CACNG5: variants seen among roughly 807,000 people sequenced by gnomAD.
CACNG5 encodes the protein voltage-dependent calcium channel gamma-5 subunit.
In CACNG5, 18 loss-of-function variants were observed where a neutral mutation model predicts 24.8. The ratio of observed to expected loss-of-function variants is 0.73; its 90% CI spans 0.50 to 1.08. CACNG5 has a LOEUF of 1.08. CACNG5 is among the 50% of genes least tolerant of loss of function. The pLI, the probability that CACNG5 is intolerant of heterozygous loss-of-function variation, is 0.00. For missense variants in CACNG5, 349 were observed against 367.9 expected (o/e 0.95, Z 0.42); for synonymous variants, 157 against 149.1 (o/e 1.05, Z -0.39).
intron 1 of CACNG5, among the ~76,000 whole-genome samples, chr17:66,843,617 C>T (rs1376753370): frequency 6.6e-6 from 1 of 152,134 alleles, no homozygotes; most frequent in African/African-American, 2.4e-5. Flanking sequence ...TAAACCCAGG[C>T]TACCTGAATC....
At chr17:66,853,382 T>C (rs1254822916) in intron 1 of CACNG5, among the ~76,000 whole-genome samples, 1 of 152,198 alleles carries the variant, frequency 6.6e-6, no homozygotes, top group Non-Finnish European at 1.5e-5. Flanking sequence ...TTTCTGGTTG[T>C]GTGGCAAGAG....
At chr17:66,860,978 G>T (rs1022289165) in intron 1 of CACNG5, among the ~76,000 whole-genome samples, 1 of 151,854 alleles carries the variant, frequency 6.6e-6, no homozygotes, top group Non-Finnish European at 1.5e-5. Flanking sequence ...GGGTAAAAAA[G>T]TAATCATATA....
At chr17:66,879,863 C>T (rs1446483911) in intron 3 of CACNG5, among the ~76,000 whole-genome samples, 1 of 152,148 alleles carries the variant, frequency 6.6e-6, no homozygotes, top group African/African-American at 2.4e-5. Context: ...CCTCTAGCCC[C>T]TTACCTTGCC....
At chr17:66,852,597 A>G (rs1173445829) in intron 1 of CACNG5, among the ~76,000 whole-genome samples, 1 of 152,224 alleles carries the variant, frequency 6.6e-6, no homozygotes. Context: ...TAATTAGTAT[A>G]TAATGAAATG....
chr17:66,870,253 C>T (rs546523309), intron 1 of CACNG5, among the ~76,000 whole-genome samples: 23 of 152,220 alleles, frequency 1.5e-4, no homozygotes, highest in Admixed American at 9.8e-4. Flanking sequence ...TGCTGTTATC[C>T]GAAGGCTCGA....
chr17:66,866,463 T>C (rs1976932092), intron 1 of CACNG5, among the ~76,000 whole-genome samples: 1 of 152,214 alleles, frequency 6.6e-6, no homozygotes, highest in Admixed American at 6.5e-5. Context: ...AATTTTATTT[T>C]ATTTTAAGTT....
At chr17:66,866,663 C>T (rs532381363) in intron 1 of CACNG5, among the ~76,000 whole-genome samples, 65 of 152,210 alleles carry the variant, frequency 4.3e-4, no homozygotes, top group Non-Finnish European at 8.1e-4. Flanking sequence ...TTTTCCCCTC[C>T]CTGTGTCCAT....
At chr17:66,859,647 C>T (rs1976828884) in intron 1 of CACNG5, among the ~76,000 whole-genome samples, 1 of 152,132 alleles carries the variant, frequency 6.6e-6, no homozygotes, top group Non-Finnish European at 1.5e-5. Flanking sequence ...AGATTGGTTT[C>T]CCTCCCCAGG....
chr17:66,852,612 A>G (rs1447521712), intron 1 of CACNG5, among the ~76,000 whole-genome samples: 1 of 152,192 alleles, frequency 6.6e-6, no homozygotes, highest in African/African-American at 2.4e-5. Context: ...GAAATGTATC[A>G]CTTCTAGGTA....
At chr17:66,845,713 G>A (rs898074305) in intron 1 of CACNG5, among the ~76,000 whole-genome samples, 10 of 152,146 alleles carry the variant, frequency 6.6e-5, no homozygotes, top group African/African-American at 1.9e-4. Flanking sequence ...TTGTTGAATA[G>A]CATTCATGCC....
chr17:66,865,426 A>AC (rs1976915679), intron 1 of CACNG5, among the ~76,000 whole-genome samples: 1 of 152,146 alleles, frequency 6.6e-6, no homozygotes, highest in Non-Finnish European at 1.5e-5. Flanking sequence ...TCAATAGTAT[A>AC]GAGCTCTCAG....
chr17:66,861,411 T>A (rs1976856772), intron 1 of CACNG5, among the ~76,000 whole-genome samples: 1 of 152,262 alleles, frequency 6.6e-6, no homozygotes, highest in Admixed American at 6.5e-5. Context: ...TTGTTATCCC[T>A]GTTTTAATCA....
rs1486506868 is a variant in CACNG5, at chr17:66,880,561, G to T, written c.288G>T (p.Met96Ile). The T allele has an allele frequency of 8.7e-6, 14 of 1,614,190 alleles. No individual in the cohort carries two copies. Among genetic ancestry groups the T allele is most frequent in the Non-Finnish European group, 1.1e-5 (13 of 1,180,016 alleles). Residue 96 changes from methionine (M) to isoleucine (I), a missense_variant, in exon 4 of 6, where the codon ATG becomes ATT. By Grantham distance (10) the Met-to-Ile change is conservative (BLOSUM62 1). Coordinates refer to ENST00000533854, the MANE Select transcript of CACNG5 (RefSeq NM_145811.3). ...CCCTTTTGTCCCGTTAATTAGAGAT[G>T]ATCCGCTCAGCCACACCATTCCCTC... ...TSESTVNVLKMIRSATPFPLV... is the reference protein window; with the variant it reads ...TSESTVNVLKIIRSATPFPLV...
chr17:66,842,914 GGGC>G (rs1976587317), intron 1 of CACNG5, among the ~76,000 whole-genome samples: 1 of 152,208 alleles, frequency 6.6e-6, no homozygotes, highest in African/African-American at 2.4e-5. Context: ...ACAGGCCAGT[GGGC>G]AAGTGGGACA....
chr17:66,879,258 A>G (rs1395477193), intron 3 of CACNG5, among the ~76,000 whole-genome samples, 200 bp downstream of exon 3: 1 of 152,186 alleles, frequency 6.6e-6, no homozygotes, highest in East Asian at 1.9e-4. Flanking sequence ...CTCCCAGTCT[A>G]CTGACCCAGG....
rs12603561 is a variant in CACNG5, at chr17:66,846,865, A to G, written c.-104+11615A>G. ...CCAAACTCCTTTCCACAGTGGCTGC[A>G]TCACTTTACGCTCCCACCTGCAAAG... On this transcript the variant is annotated intron_variant, in intron 1 of 5. Coordinates refer to ENST00000533854, the MANE Select transcript of CACNG5 (RefSeq NM_145811.3). Among the ~76,000 whole-genome samples, 38 of 152,368 alleles carry G rather than the reference A, an allele frequency of 2.5e-4. No homozygotes were observed. In the East Asian group the frequency reaches 5.4e-3, roughly 22 times the overall value.
chr17:66,866,629 G>T (rs1976934010), intron 1 of CACNG5, among the ~76,000 whole-genome samples: 1 of 151,918 alleles, frequency 6.6e-6, no homozygotes, highest in South Asian at 2.1e-4. Context: ...ACTGCCTCCT[G>T]CACTGACAGG....
chr17:66,857,630 T>TA (rs1424512006), intron 1 of CACNG5, among the ~76,000 whole-genome samples: 1 of 152,222 alleles, frequency 6.6e-6, no homozygotes, highest in African/African-American at 2.4e-5. Context: ...ACTTTGGACT[T>TA]ACCACGTTTC....
At position 66,859,435 on chromosome 17, in the gene CACNG5, A is replaced by G. The variant is rs111438839; in HGVS notation, c.-103-17795A>G. 2.9e-3 allele frequency among the ~76,000 whole-genome samples: 435 copies of G among 152,260 alleles called. 1 individual carries two copies. Among genetic ancestry groups the G allele is most frequent in the African/African-American group, 9.8e-3 (409 of 41,538 alleles). ...TATCATTAGAATCCTGGTTTACAGTAAAATGTGCTGGAGGCAGGAAAACGA... is the reference window on the plus strand; with the variant it reads ...TATCATTAGAATCCTGGTTTACAGTGAAATGTGCTGGAGGCAGGAAAACGA... On this transcript the variant is annotated intron_variant, in intron 1 of 5. Coordinates refer to ENST00000533854, the MANE Select transcript of CACNG5 (RefSeq NM_145811.3).
Sources: gnomAD v4.1 joint callset for allele counts (sites outside exome capture counted in the v4.1 genomes callset) on GRCh38, gnomAD v4.1.1 for gene constraint, MANE v1.5 for transcripts, NCBI Gene and HGNC (gene_info 2026-07-23, HGNC 2026-07-21) for gene names.